Variants in MYO1G observed in about 807,000 individuals in gnomAD.
The protein encoded by MYO1G is unconventional myosin-Ig.
Under a neutral mutation model 115.3 loss-of-function variants are expected in MYO1G, and 65 were observed. The ratio of observed to expected loss-of-function variants is 0.56; its 90% confidence interval spans 0.46 to 0.69. The LOEUF (loss-of-function observed/expected upper bound fraction) is 0.69, where lower values mean the gene tolerates loss of function less well. MYO1G is among the 30% of genes least tolerant of loss of function. The pLI is 0.00. For synonymous variants in MYO1G, 510 were observed against 552.6 expected, an observed-to-expected ratio of 0.92 and a Z score of 1.08; for missense variants, 1,204 against 1,393.5, an observed-to-expected ratio of 0.86 and a Z score of 2.16.
At chr7:44,971,143 G>T in intron 7 of MYO1G, 84 bp from the exon 8 acceptor site, 1 of 1,229,836 alleles carries the variant, frequency 8.1e-7, no homozygotes, top group South Asian at 1.4e-5. Flanking sequence ...AGGAAGGAAA[G>T]CAGGGGACAT....
Position 44,964,817 on chromosome 7 carries a change from G to A in MYO1G, c.2526+128C>T, listed in dbSNP as rs1187341219. On this transcript the variant is annotated intron_variant, in intron 18 of 21. Coordinates refer to ENST00000258787, the MANE Select transcript of MYO1G (RefSeq NM_033054.3). This position sits in a 1 kb window ranked among gnomAD's most constrained non-coding sequence, Gnocchi z 5.1. ...GAGCTCTGGTGGGGGCTGAGGTACA[G>A]GGCCACCAGGACAGACAACCCCAGG... 8.0e-6 allele frequency: 11 copies of A among 1,378,758 alleles called. No homozygotes were observed. The highest frequency in any genetic ancestry group is 1.1e-5 in the Non-Finnish European group (11 of 1,011,506). The allele number at this position is 1,378,758 out of a possible 1,614,324, so 85.4% of individuals were successfully genotyped here. A position where few individuals can be genotyped will look rare whatever the true frequency, so the allele number is the denominator to read the frequency against.
Position 44,969,119 on chromosome 7 carries a change from G to A in MYO1G, c.1574+294C>T. 1.5e-5 allele frequency: 4 copies of A among 267,458 alleles called. No homozygotes were observed. The highest frequency in any genetic ancestry group is 1.0e-4 in the South Asian group (2 of 20,074). 16.6% of individuals were successfully genotyped at this position (267,458 alleles called of 1,614,324 possible). A position where few individuals can be genotyped will look rare whatever the true frequency, so the allele number is the denominator to read the frequency against. Reference sequence around the variant, plus strand: ...CCCACCCCCACATCACCAGCCTGAAGCCCCCCACCCCACAGATGCTGGTAT... The same window carrying A: ...CCCACCCCCACATCACCAGCCTGAAACCCCCCACCCCACAGATGCTGGTAT... On this transcript the variant is annotated intron_variant, in intron 12 of 21. Transcript: ENST00000258787. The surrounding 1 kb of genome is among the most constrained non-coding windows in gnomAD (Gnocchi z 5.0).
intron 1 of MYO1G, 150 bp downstream of exon 1, chr7:44,978,717 C>A (rs1795127504): frequency 3.0e-6 from 2 of 671,330 alleles, no homozygotes; most frequent in Non-Finnish European, 5.1e-6. Context: ...TTGAGGCACT[C>A]ATTTCAGCCC....
At position 44,969,687 on chromosome 7, in the gene MYO1G, T is replaced by A; in HGVS notation, c.1503+18A>T. On this transcript the variant is annotated intron_variant, in intron 11 of 21. Transcript: ENST00000258787. The surrounding 1 kb of genome is among the most constrained non-coding windows in gnomAD (Gnocchi z 5.0). ...TCCCACCAGCCCACTGTGGTGGCAC[T>A]GGGACAGCCGGGGGCACCTGGCGGC... 1 of 1,610,062 alleles carries A rather than the reference T, an allele frequency of 6.2e-7. No individual in the cohort carries two copies. The highest frequency in any genetic ancestry group is 2.2e-5 in the East Asian group (1 of 44,884).
intron 12 of MYO1G, 95 bp from the exon 13 acceptor site, chr7:44,968,053 C>T (rs1454296513): frequency 2.0e-6 from 2 of 1,023,604 alleles, no homozygotes; most frequent in Non-Finnish European, 3.0e-6. Context: ...TCCCATCTGC[C>T]TCTGTTCCCA....
rs1181157332 is a variant in MYO1G, at chr7:44,963,419, G to T, written c.2746-295C>A. On this transcript the variant is annotated intron_variant, in intron 20 of 21. Transcript: ENST00000258787. This position sits in a 1 kb window ranked among gnomAD's most constrained non-coding sequence, Gnocchi z 4.1. ...CTGTGGATGCTAAGCCCTTGCATGT[G>T]CTACTGCCTGGAGGAGCCGTTTTTA... 4.9e-6 allele frequency: 2 copies of T among 410,254 alleles called. No homozygotes were observed. Among genetic ancestry groups the T allele is most frequent in the Non-Finnish European group, 8.6e-6 (2 of 232,240 alleles). The allele number at this position is 410,254 out of a possible 1,614,324, so 25.4% of individuals were successfully genotyped here. A position where few individuals can be genotyped will look rare whatever the true frequency, so the allele number is the denominator to read the frequency against.
chr7:44,976,786 G>A, intron 2 of MYO1G, 77 bp downstream of exon 2: 1 of 1,581,746 alleles, frequency 6.3e-7, no homozygotes, highest in Admixed American at 1.7e-5. Context: ...CAGGGCACAG[G>A]AGATGCTCTA....
rs571219750 is a variant in MYO1G at position 44,964,517 on chromosome 7, G to A, written c.2529C>T (p.Ala843=). ...GGCTTGATGCTGTGGGATTGTCAGT[G>A]GCCTGAGGACAGATGGAGGGGAGGG... is the stretch of plus-strand genomic sequence containing the variant. The part of the protein sequence containing the change: ...RAWARDYLSS[A]TDNPTASSLF... The change falls in exon 19 of 22, where the codon GCC becomes GCT. Residue 843 remains alanine, a splice_region_variant and synonymous_variant. Transcript: ENST00000258787. The surrounding 1 kb of genome is among the most constrained non-coding windows in gnomAD (Gnocchi z 5.1). 1.1e-5 allele frequency: 18 copies of A among 1,613,494 alleles called. No individual in the cohort carries two copies. Among genetic ancestry groups the A allele is most frequent in the African/African-American group, 2.7e-5 (2 of 75,046 alleles).
At chr7:44,973,461 G>C (rs1174087095) in intron 5 of MYO1G, 1 of 152,126 alleles carries the variant, frequency 6.6e-6, no homozygotes, top group Non-Finnish European at 1.5e-5. Flanking sequence ...TGGAGACACT[G>C]CTTCACATGT....
chr7:44,963,504 A>C lies in MYO1G; in HGVS notation c.2746-380T>G. On this transcript the variant is annotated intron_variant, in intron 20 of 21. Coordinates refer to ENST00000258787, the MANE Select transcript of MYO1G (RefSeq NM_033054.3). The surrounding 1 kb of genome is among the most constrained non-coding windows in gnomAD (Gnocchi z 4.1). ...CGCCGGCTTTGGGCTGTGGCATTACACAGCAAGGCACTCACCGCCCTTTCT... is the reference window on the plus strand; with the variant it reads ...CGCCGGCTTTGGGCTGTGGCATTACCCAGCAAGGCACTCACCGCCCTTTCT... 1 of 235,606 alleles carries C rather than the reference A, an allele frequency of 4.2e-6. No homozygotes were observed. Among genetic ancestry groups the C allele is most frequent in the Non-Finnish European group, 8.2e-6 (1 of 122,414 alleles). The allele number at this position is 235,606 out of a possible 1,614,324, so 14.6% of individuals were successfully genotyped here.
Position 44,965,867 on chromosome 7 carries a change from G to T in MYO1G, c.2158-7C>A. 6.9e-6 allele frequency: 11 copies of T among 1,597,880 alleles called. No homozygotes were observed. Among genetic ancestry groups the T allele is most frequent in the Non-Finnish European group, 8.5e-6 (10 of 1,179,546 alleles). On this transcript the variant is annotated splice_region_variant and splice_polypyrimidine_tract_variant and intron_variant, in intron 16 of 21. Transcript: ENST00000258787. ...CCAAGGTGCCCCGCCATGCCTGGGT[G>T]GGCCAGGTGGGATGGGATACGCAGT...
chr7:44,975,644 T>C lies in MYO1G; in HGVS notation c.404A>G (p.Lys135Arg). 1 of 1,607,044 alleles carries C rather than the reference T, an allele frequency of 6.2e-7. No individual in the cohort carries two copies. The highest frequency in any genetic ancestry group is 2.2e-5 in the East Asian group (1 of 44,750). Residue 135 changes from lysine to arginine, a missense_variant, in exon 4 of 22, where the codon AAG (lysine) becomes AGG (arginine). Physicochemically the swap from Lys to Arg is conservative, Grantham distance 26 (BLOSUM62 2). Transcript: ENST00000258787. Reference sequence around the variant, plus strand: ...ACAGGTGGACTTGAGCAGCACGTCCTTGACCCTGTCAGGGCAGAGGGGCTG... The same window carrying C: ...ACAGGTGGACTTGAGCAGCACGTCCCTGACCCTGTCAGGGCAGAGGGGCTG... ...PSQRAEVERV[K>R]DVLLKSTCVL...
chr7:44,964,253 G>A lies in MYO1G; in HGVS notation c.2632-91C>T, dbSNP rs761475463. 26 of 1,328,076 alleles carry A rather than the reference G, an allele frequency of 2.0e-5. No individual in the cohort carries two copies. Among genetic ancestry groups the A allele is most frequent in the South Asian group, 6.2e-5 (5 of 80,520 alleles). The allele number at this position is 1,328,076 out of a possible 1,614,324, so 82.3% of individuals were successfully genotyped here. ...GCAGTCCCTACTGCCTCCCCTCCCC[G>A]CTGGCGACAGTTTTGGGAGTGTCAG... On this transcript the variant is annotated intron_variant, in intron 19 of 21. Coordinates refer to ENST00000258787, the MANE Select transcript of MYO1G (RefSeq NM_033054.3). The surrounding 1 kb of genome is among the most constrained non-coding windows in gnomAD (Gnocchi z 5.1).
Position 44,962,910 on chromosome 7 carries a change from G to C in MYO1G, c.2901-15C>G. 6.7e-7 allele frequency: 1 copy of C among 1,491,076 alleles called. No individual in the cohort carries two copies. Among genetic ancestry groups the C allele is most frequent in the South Asian group, 1.3e-5 (1 of 77,184 alleles). The allele number at this position is 1,491,076 out of a possible 1,614,324, so 92.4% of individuals were successfully genotyped here. ...TGCGGCCCTCCCTGCGGCAGGAGGAGGGGTCAGGGCGGCCACGCGGCCGGG... is the reference window on the plus strand; with the variant it reads ...TGCGGCCCTCCCTGCGGCAGGAGGACGGGTCAGGGCGGCCACGCGGCCGGG... On this transcript the variant is annotated splice_polypyrimidine_tract_variant and intron_variant, in intron 21 of 21. Coordinates refer to ENST00000258787, the MANE Select transcript of MYO1G (RefSeq NM_033054.3). This position sits in a 1 kb window ranked among gnomAD's most constrained non-coding sequence, Gnocchi z 5.3.
intron 3 of MYO1G, among the ~76,000 whole-genome samples, chr7:44,976,302 C>G (rs1361920053): frequency 6.6e-6 from 1 of 152,210 alleles, no homozygotes; most frequent in Non-Finnish European, 1.5e-5. Flanking sequence ...CCTCATCCTA[C>G]CTGTGGCTGC....
chr7:44,971,200 C>T, intron 7 of MYO1G, 141 bp from the exon 8 acceptor site: 1 of 740,236 alleles, frequency 1.4e-6, no homozygotes, highest in South Asian at 1.8e-5. Context: ...TGGTCAGCTG[C>T]TCACCATGGG....
rs190920270 is a variant in MYO1G at position 44,975,664 on chromosome 7, G to C, written c.399-15C>G. The stretch of plus-strand genomic sequence containing the variant: ...CGTCCTTGACCCTGTCAGGGCAGAG[G>C]GGCTGGGTCTTAAGGCAAAGACTTC... On this transcript the variant is annotated splice_polypyrimidine_tract_variant and intron_variant, in intron 3 of 21. Transcript: ENST00000258787. 348 of 1,583,700 alleles carry C rather than the reference G, an allele frequency of 2.2e-4. 1 individual carries two copies. In the African/African-American group the frequency reaches 4.4e-3, roughly 20 times the overall value.
Position 44,962,980 on chromosome 7 carries a change from G to C in MYO1G, c.2890C>G (p.His964Asp). The change falls in exon 21 of 22, where the codon CAC becomes GAC. Residue 964 changes from histidine (H) to aspartate (D), a missense_variant. By Grantham distance (81) the His-to-Asp change is moderately conservative. Coordinates refer to ENST00000258787, the MANE Select transcript of MYO1G (RefSeq NM_033054.3). This position sits in a 1 kb window ranked among gnomAD's most constrained non-coding sequence, Gnocchi z 5.3. ...CCAGCCTGCACTCACCCCTGGCAGT[G>C]TGCGGCCAGCACGCCCACCAGCTCC... is the stretch of plus-strand genomic sequence containing the variant. ...VGELVGVLAAHCQGEGRTLEV... is the reference protein window; with the variant it reads ...VGELVGVLAADCQGEGRTLEV... The C allele has an allele frequency of 6.5e-7, 1 of 1,532,974 alleles. No individual in the cohort carries two copies. The highest frequency in any genetic ancestry group is 8.7e-7 in the Non-Finnish European group (1 of 1,144,108). The allele number at this position is 1,532,974 out of a possible 1,614,324, so 95.0% of individuals were successfully genotyped here.
At chr7:44,968,885 T>A in intron 12 of MYO1G, 1 of 161,370 alleles carries the variant, frequency 6.2e-6, no homozygotes, top group South Asian at 1.7e-4. Flanking sequence ...CCTTGAGAAG[T>A]TCTCATGAAA....
Sources: allele counts gnomAD v4.1 joint callset (sites outside exome capture counted in the v4.1 genomes callset), GRCh38; gene constraint gnomAD v4.1.1; non-coding constraint Gnocchi (gnomAD v3.1); transcripts MANE v1.5; gene names NCBI Gene and HGNC (gene_info 2026-07-23, HGNC 2026-07-21).